Variants in WDR49 observed in about 807,000 individuals in gnomAD.
WDR49 encodes WD repeat domain 49.
WDR49 carries 107 observed loss-of-function variants against 119.5 expected under a neutral mutation model. That is an observed-to-expected ratio of 0.90 (90% CI 0.77 to 1.05). The LOEUF (loss-of-function observed/expected upper bound fraction) is 1.05, where lower values mean the gene tolerates loss of function less well. Ranked by LOEUF, WDR49 falls within the 50% of genes least tolerant of loss-of-function variation. WDR49 has a pLI of 0.00. For missense variants in WDR49, 1,240 were observed against 1,220.5 expected, an observed-to-expected ratio of 1.02 and a Z score of -0.24; for synonymous variants, 425 against 418.8, an observed-to-expected ratio of 1.01 and a Z score of -0.18.
intron 3 of WDR49, among the ~76,000 whole-genome samples, chr3:167,626,091 T>C (rs1297074684): frequency 6.6e-6 from 1 of 151,952 alleles, no homozygotes; most frequent in Non-Finnish European, 1.5e-5. Flanking sequence ...TAAGAAAATA[T>C]TGCTATGGAT....
chr3:167,650,995 G>A (rs1045891675), intron 2 of WDR49, among the ~76,000 whole-genome samples: 5 of 152,122 alleles, frequency 3.3e-5, no homozygotes, highest in African/African-American at 1.2e-4. Flanking sequence ...AACACTGCAT[G>A]ATTCTGATCC....
At chr3:167,620,370 A>T (rs1716808871) in intron 5 of WDR49, 59 bp downstream of exon 5, 3 of 1,427,274 alleles carry the variant, frequency 2.1e-6, no homozygotes, top group Non-Finnish European at 2.8e-6. Context: ...TTCATCAAAG[A>T]ATATAAATGT....
intron 5 of WDR49, among the ~76,000 whole-genome samples, chr3:167,612,102 G>A (rs1262182647): frequency 6.6e-6 from 1 of 152,096 alleles, no homozygotes; most frequent in African/African-American, 2.4e-5. Context: ...AATATCTTAA[G>A]ACATTCAAAA....
At chr3:167,586,734 A>C (rs1244256445) in intron 7 of WDR49, among the ~76,000 whole-genome samples, 2 of 152,218 alleles carry the variant, frequency 1.3e-5, no homozygotes, top group Non-Finnish European at 2.9e-5. Flanking sequence ...ATTAAAGTGA[A>C]ATAGATTTAG....
At chr3:167,654,447 CTAA>C (rs1718528602), upstream of WDR49, among the ~76,000 whole-genome samples, 1 of 151,984 alleles carries the variant, frequency 6.6e-6, no homozygotes, top group African/African-American at 2.4e-5. Context: ...ACTGGTTCAG[CTAA>C]TAATAATGAA....
At chr3:167,578,914 T>TA (rs1714388392) in intron 7 of WDR49, among the ~76,000 whole-genome samples, 1 of 152,200 alleles carries the variant, frequency 6.6e-6, no homozygotes, top group Non-Finnish European at 1.5e-5. Flanking sequence ...TAATTAAGAC[T>TA]AAAATTTTCC....
At chr3:167,503,536 C>T (rs1430548566) in intron 17 of WDR49, among the ~76,000 whole-genome samples, 1 of 152,212 alleles carries the variant, frequency 6.6e-6, no homozygotes, top group Non-Finnish European at 1.5e-5. Context: ...AACCATGGAA[C>T]CCAGTGACTA....
intron 8 of WDR49, among the ~76,000 whole-genome samples, chr3:167,570,584 AG>A (rs1168478565): frequency 6.6e-6 from 1 of 152,228 alleles, no homozygotes; most frequent in Non-Finnish European, 1.5e-5. Flanking sequence ...AGGGTGGAAA[AG>A]TTTACTATAA....
At chr3:167,494,791 A>G (rs1388204302) in intron 18 of WDR49, among the ~76,000 whole-genome samples, 1 of 152,174 alleles carries the variant, frequency 6.6e-6, no homozygotes, top group Non-Finnish European at 1.5e-5. Flanking sequence ...ACATTCTCTG[A>G]GCCCTGGGGT....
rs1436187737 is a variant in WDR49 at position 167,573,085 on chromosome 3, C to T, written c.1509+2833G>A. ...GTCATAAAGCAGCAACATTCGCCCT[C>T]TTTGGTATGGGGGACTTTAAAGACC... On this transcript the variant is annotated intron_variant, in intron 8 of 18. Coordinates refer to ENST00000682715, the MANE Select transcript of WDR49 (RefSeq NM_001366157.1). 3.3e-5 allele frequency among the ~76,000 whole-genome samples: 5 copies of T among 152,144 alleles called. No individual in the cohort carries two copies. The South Asian group carries it at 8.3e-4, about 25-fold the overall frequency.
At chr3:167,540,674 C>G (rs1302779754) in intron 10 of WDR49, among the ~76,000 whole-genome samples, 2 of 152,046 alleles carry the variant, frequency 1.3e-5, no homozygotes. Context: ...CACACTGGCT[C>G]CCCAGCAATG....
intron 5 of WDR49, among the ~76,000 whole-genome samples, chr3:167,607,221 C>A (rs1165497289): frequency 6.6e-6 from 1 of 152,074 alleles, no homozygotes; most frequent in Non-Finnish European, 1.5e-5. Context: ...TTTACGGCTA[C>A]CTTTGGGGAA....
Position 167,604,490 on chromosome 3 carries a change from A to G in WDR49, c.959-22T>C, listed in dbSNP as rs770734889. On this transcript the variant is annotated intron_variant, in intron 5 of 18. Coordinates refer to ENST00000682715, the MANE Select transcript of WDR49 (RefSeq NM_001366157.1). ...GTAACTGATAAAAAATTAAAAAGAG[A>G]AAAACAATCTTTAGTTGATTCTTCA... 2.3e-5 allele frequency: 36 copies of G among 1,563,886 alleles called. No individual in the cohort carries two copies. The South Asian group carries it at 3.1e-4, about 13-fold the overall frequency.
chr3:167,511,442 A>G (rs1751966974), intron 16 of WDR49, among the ~76,000 whole-genome samples: 2 of 152,200 alleles, frequency 1.3e-5, no homozygotes, highest in South Asian at 2.1e-4. Flanking sequence ...TATAATCAAC[A>G]TGAGAAGATC....
intron 8 of WDR49, among the ~76,000 whole-genome samples, chr3:167,564,807 T>C (rs1327410248): frequency 6.6e-6 from 1 of 152,170 alleles, no homozygotes; most frequent in Non-Finnish European, 1.5e-5. Flanking sequence ...TTCTAAGACA[T>C]GTGAGGCTGT....
chr3:167,644,217 G>A (rs1299016590), intron 2 of WDR49, among the ~76,000 whole-genome samples: 3 of 151,910 alleles, frequency 2.0e-5, no homozygotes, highest in African/African-American at 7.3e-5. Flanking sequence ...TTTAAATTCA[G>A]CACTCTTAAT....
intron 5 of WDR49, among the ~76,000 whole-genome samples, chr3:167,617,014 G>A (rs1453124432): frequency 6.6e-6 from 1 of 152,106 alleles, no homozygotes; most frequent in Non-Finnish European, 1.5e-5. Flanking sequence ...TCTAATGTGG[G>A]TACAGAAATT....
chr3:167,622,198 T>C (rs987524913), intron 3 of WDR49, among the ~76,000 whole-genome samples: 6 of 152,022 alleles, frequency 3.9e-5, no homozygotes, highest in African/African-American at 1.5e-4. Context: ...TCAACTATTA[T>C]ATATATGTGC....
At chr3:167,638,785 A>G (rs1358667523) in intron 2 of WDR49, among the ~76,000 whole-genome samples, 1 of 151,588 alleles carries the variant, frequency 6.6e-6, no homozygotes, top group Non-Finnish European at 1.5e-5. Flanking sequence ...TCAATTATTC[A>G]AGAGCTCATC....
Sources: allele counts gnomAD v4.1 joint callset (sites outside exome capture counted in the v4.1 genomes callset), GRCh38; gene constraint gnomAD v4.1.1; transcripts MANE v1.5; gene names NCBI Gene and HGNC (gene_info 2026-07-23, HGNC 2026-07-21).